Variants in ZNF28 observed in about 807,000 individuals in gnomAD.
The protein encoded by ZNF28 is zinc finger protein 28.
In ZNF28, 5 loss-of-function variants were observed where a neutral mutation model predicts 7.2. That is an observed-to-expected ratio of 0.70 (90% CI 0.36 to 1.46). The LOEUF is 1.46. Among genes scored for constraint, ZNF28 ranks in the 40% most tolerant of loss-of-function variants. The pLI, the probability that ZNF28 is intolerant of heterozygous loss-of-function variation, is 0.03. For synonymous variants in ZNF28, 288 were observed against 292.4 expected (o/e 0.99, Z 0.15); for missense variants, 879 against 866.6 (o/e 1.01, Z -0.18).
chr19:52,802,761 C>CTTTTTTT (rs11347464), intron 3 of ZNF28, among the ~76,000 whole-genome samples: 1 of 127,582 alleles, frequency 7.8e-6, no homozygotes, highest in Non-Finnish European at 1.7e-5. Flanking sequence ...CACGTTGTGA[C>CTTTTTTT]TTTTTTTTTT....
chr19:52,809,047 T>C (rs1360096018), intron 2 of ZNF28, among the ~76,000 whole-genome samples: 2 of 152,170 alleles, frequency 1.3e-5, no homozygotes, highest in African/African-American at 2.4e-5. Context: ...GATATATATG[T>C]ACATATATGA....
In ZNF28 at chr19:52,818,050, T is replaced by C; in HGVS notation, c.-73-19A>G. On this transcript the variant is annotated intron_variant, in intron 1 of 3. Transcript: ENST00000457749. ...GTCAATCCTGAATGTTAAAAATATG[T>C]TGTTTATTGCTCAGAATCAACACAT... The C allele has an allele frequency of 6.3e-7, 1 of 1,587,786 alleles. No homozygotes were observed. The highest frequency in any genetic ancestry group is 1.1e-5 in the South Asian group (1 of 90,320).
chr19:52,812,157 C>A (rs2063057722), intron 2 of ZNF28, among the ~76,000 whole-genome samples: 1 of 126,902 alleles, frequency 7.9e-6, no homozygotes, highest in Non-Finnish European at 1.6e-5. Flanking sequence ...GGTCAGCCCC[C>A]CGCCCGGCCA....
In ZNF28 at chr19:52,797,684, C is replaced by T. The variant is rs899874257; in HGVS notation, c.*2004G>A. The stretch of plus-strand genomic sequence containing the variant: ...AAGTTTGTACCTTGAAATCTACAAA[C>T]ATTGATCAAAATGATTAAAAACATA... On this transcript the variant is annotated 3_prime_UTR_variant, in exon 4 of 4. Transcript: ENST00000457749. The T allele has an allele frequency of 6.5e-6, 1 of 154,448 alleles. No individual in the cohort carries two copies. The highest frequency in any genetic ancestry group is 1.5e-5 in the Non-Finnish European group (1 of 68,024). 9.6% of individuals were successfully genotyped at this position (154,448 alleles called of 1,614,324 possible). A position where few individuals can be genotyped will look rare whatever the true frequency, so the allele number is the denominator to read the frequency against.
At chr19:52,809,639 C>T (rs2062987273) in intron 2 of ZNF28, among the ~76,000 whole-genome samples, 1 of 152,180 alleles carries the variant, frequency 6.6e-6, no homozygotes, top group African/African-American at 2.4e-5. Flanking sequence ...AAGCCCTTCT[C>T]TACTAAAAAT....
intron 2 of ZNF28, among the ~76,000 whole-genome samples, chr19:52,817,416 T>C (rs1668527141): frequency 6.6e-6 from 1 of 152,180 alleles, no homozygotes; most frequent in African/African-American, 2.4e-5. Flanking sequence ...GTATTATTCA[T>C]CTATGTATGA....
At position 52,797,635 on chromosome 19, in the gene ZNF28, T is replaced by C. The variant is rs1214031733; in HGVS notation, c.*2053A>G. On this transcript the variant is annotated 3_prime_UTR_variant, in exon 4 of 4. Coordinates refer to ENST00000457749, the MANE Select transcript of ZNF28 (RefSeq NM_006969.5). ...TAAAGAGCTTAAAGTAAGAAATATT[T>C]AGGAATAAACATATAAAGGTGAGAA... is the stretch of plus-strand genomic sequence containing the variant. The C allele has an allele frequency of 6.5e-6, 1 of 154,774 alleles. No individual in the cohort carries two copies. The highest frequency in any genetic ancestry group is 1.5e-5 in the Non-Finnish European group (1 of 68,052). 9.6% of individuals were successfully genotyped at this position (154,774 alleles called of 1,614,324 possible).
chr19:52,801,348 T>G lies in ZNF28; in HGVS notation c.497A>C (p.Lys166Thr). The stretch of plus-strand genomic sequence containing the variant: ...AACTGAGGAAGCATTGTTGATAGAC[T>G]TCTCAACTTGATTACCAATTTTCCC... ...PEGKIGNQVE[K>T]SINNASSVST... The change falls in exon 4 of 4, where the codon AAG (lysine) becomes ACG (threonine). Residue 166 changes from lysine (K) to threonine (T), a missense_variant. By Grantham distance (78) the Lys-to-Thr change is moderately conservative. Around this residue, in one of 2 missense-constraint regions of ZNF28, gnomAD observed 864 missense variants for 830.2 expected, o/e 1.04. Transcript: ENST00000457749. 6.2e-7 allele frequency: 1 copy of G among 1,614,202 alleles called. No homozygotes were observed. Among genetic ancestry groups the G allele is most frequent in the Non-Finnish European group, 8.5e-7 (1 of 1,180,026 alleles).
Position 52,800,025 on chromosome 19 carries a change from T to G in ZNF28, c.1820A>C (p.Tyr607Ser). Residue 607 changes from tyrosine to serine, a missense_variant, in exon 4 of 4, where the codon TAC becomes TCC. Transcript: ENST00000457749. ...HQRVHTGEKP[Y>S]KCNECGKTFR... ...GGTCTTGCCACACTCATTACACTTGTAAGGTTTCTCTCCAGTATGAACTCT... is the reference window on the plus strand; with the variant it reads ...GGTCTTGCCACACTCATTACACTTGGAAGGTTTCTCTCCAGTATGAACTCT... The G allele has an allele frequency of 6.2e-7, 1 of 1,614,214 alleles. No individual in the cohort carries two copies. Among genetic ancestry groups the G allele is most frequent in the Non-Finnish European group, 8.5e-7 (1 of 1,180,030 alleles).
At chr19:52,815,550 C>A (rs112041507) in intron 2 of ZNF28, among the ~76,000 whole-genome samples, 9,251 of 145,632 alleles carry the variant, frequency 0.064, 1,316 homozygotes, top group African/African-American at 0.13. Context: ...ACTGTCTGGG[C>A]GTGGTGGCTC....
At chr19:52,810,134 G>C (rs954805115) in intron 2 of ZNF28, 13 of 873,168 alleles carry the variant, frequency 1.5e-5, no homozygotes, top group Admixed American at 5.4e-5. Context: ...GACTGGTCGA[G>C]GGTGACCCGG....
chr19:52,807,113 C>T (rs2062946786), intron 3 of ZNF28, among the ~76,000 whole-genome samples: 1 of 152,140 alleles, frequency 6.6e-6, no homozygotes, highest in Admixed American at 6.6e-5. Context: ...AATACATTCC[C>T]ACCCATCTGG....
intron 3 of ZNF28, among the ~76,000 whole-genome samples, chr19:52,807,229 G>A (rs1230255019): frequency 9.8e-5 from 11 of 112,386 alleles, no homozygotes; most frequent in Non-Finnish European, 2.2e-4. Context: ...AAAAAGAAAG[G>A]ACCATAACAT....
At position 52,800,341 on chromosome 19, in the gene ZNF28, T is replaced by C. The variant is rs762236122; in HGVS notation, c.1504A>G (p.Lys502Glu). The change falls in exon 4 of 4, where the codon AAG becomes GAG. Residue 502 changes from lysine to glutamate, a missense_variant. Physicochemically the swap from Lys to Glu is moderately conservative, Grantham distance 56 (BLOSUM62 1). This residue lies in a region of ZNF28 where 864 missense variants were observed against 830.2 expected (regional missense o/e 1.04). Coordinates refer to ENST00000457749, the MANE Select transcript of ZNF28 (RefSeq NM_006969.5). ...AGGCATGAATCACTCCGGAAAGCCT[T>C]GTCACAAACCTTACATTTGTATGGT... ...EKPYKCKVCDKAFRSDSCLTE... is the reference protein window; with the variant it reads ...EKPYKCKVCDEAFRSDSCLTE... The C allele has an allele frequency of 4.3e-6, 7 of 1,614,088 alleles. No homozygotes were observed. The highest frequency in any genetic ancestry group is 5.9e-6 in the Non-Finnish European group (7 of 1,179,992).
chr19:52,817,254 GC>G (rs2063138511), intron 2 of ZNF28, among the ~76,000 whole-genome samples: 1 of 151,870 alleles, frequency 6.6e-6, no homozygotes, highest in South Asian at 2.1e-4. Context: ...TGCTTGTAAT[GC>G]CAGCTACTCG....
chr19:52,803,264 AT>A (rs2062896746), intron 3 of ZNF28, among the ~76,000 whole-genome samples: 1 of 151,474 alleles, frequency 6.6e-6, no homozygotes, highest in Non-Finnish European at 1.5e-5. Flanking sequence ...TTTAGTAGAG[AT>A]GGGGTTTGGT....
At chr19:52,809,069 A>T (rs1278895928) in intron 2 of ZNF28, among the ~76,000 whole-genome samples, 1 of 152,216 alleles carries the variant, frequency 6.6e-6, no homozygotes, top group Non-Finnish European at 1.5e-5. Context: ...GTTTTAAAAA[A>T]TATAAAAAGT....
chr19:52,813,421 C>T (rs970185394), intron 2 of ZNF28, among the ~76,000 whole-genome samples: 1 of 148,224 alleles, frequency 6.7e-6, no homozygotes, highest in African/African-American at 2.6e-5. Context: ...GCAAGCTGCT[C>T]CCCGTGTTTC....
Position 52,813,249 on chromosome 19 carries a change from GAAAAA to G in ZNF28, c.15+4690_15+4694del, listed in dbSNP as rs71183837. On this transcript the variant is annotated intron_variant, in intron 2 of 3. Coordinates refer to ENST00000457749, the MANE Select transcript of ZNF28 (RefSeq NM_006969.5). ...TATGAAGATTAAAAACTTGAATGGTGAAAAAAAAAAAAAAAAAAAAAAGACATACT... is the reference window on the plus strand; with the variant it reads ...TATGAAGATTAAAAACTTGAATGGTGAAAAAAAAAAAAAAAAAGACATACT... Among the ~76,000 whole-genome samples the G allele has an allele frequency of 7.5e-4, 47 of 62,988 alleles. No homozygotes were observed. The East Asian group carries it at 0.025, about 34-fold the overall frequency. 41.3% of individuals were successfully genotyped at this position (62,988 alleles called of 152,430 possible).
Sources: allele counts gnomAD v4.1 joint callset (sites outside exome capture counted in the v4.1 genomes callset), GRCh38; gene constraint gnomAD v4.1.1; regional missense constraint gnomAD v4.1.1; transcripts MANE v1.5; gene names NCBI Gene and HGNC (gene_info 2026-07-23, HGNC 2026-07-21).